The following PMFBP1 variants were observed in gnomAD, a reference collection of about 807,000 sequenced individuals.
PMFBP1 encodes polyamine-modulated factor 1-binding protein 1.
PMFBP1 carries 131 observed loss-of-function variants against 137.8 expected under a neutral mutation model. The ratio of observed to expected loss-of-function variants is 0.95; its 90% CI spans 0.82 to 1.10. PMFBP1 has a LOEUF of 1.10. Ranked by LOEUF, PMFBP1 falls within the 50% of genes least tolerant of loss-of-function variation. The pLI is 0.00. For synonymous variants in PMFBP1, 490 were observed against 450.4 expected (o/e 1.09, Z -1.11); for missense variants, 1,199 against 1,175.4 (o/e 1.02, Z -0.29).
the PMFBP1 span, among the ~76,000 whole-genome samples, chr16:72,232,131 TG>T: frequency 6.6e-6 from 1 of 152,192 alleles, no homozygotes; most frequent in Non-Finnish European, 1.5e-5. Flanking sequence ...GTGACTATAA[TG>T]TTCACTGTAT....
At chr16:72,213,102 G>C in the PMFBP1 span, among the ~76,000 whole-genome samples, 2 of 151,898 alleles carry the variant, frequency 1.3e-5, no homozygotes, top group African/African-American at 2.4e-5. Flanking sequence ...AACCAAGAAA[G>C]GAGACCATGG....
the PMFBP1 span, among the ~76,000 whole-genome samples, chr16:72,235,942 G>A: frequency 3.9e-5 from 6 of 152,090 alleles, no homozygotes; most frequent in African/African-American, 1.4e-4. Flanking sequence ...TAAAAACAAA[G>A]TGAGTATCCC....
chr16:72,220,418 T>C, the PMFBP1 span, among the ~76,000 whole-genome samples: 1 of 152,154 alleles, frequency 6.6e-6, no homozygotes, highest in Non-Finnish European at 1.5e-5. Flanking sequence ...ATATTCAGTA[T>C]ATCGCAAATG....
At chr16:72,143,321 G>T (rs1163587758) in intron 5 of PMFBP1, among the ~76,000 whole-genome samples, 1 of 152,308 alleles carries the variant, frequency 6.6e-6, no homozygotes, top group Middle Eastern at 3.4e-3. Flanking sequence ...ACGATAAGAT[G>T]GAAAATAAGT....
chr16:72,137,766 TG>T (rs1338489029), intron 7 of PMFBP1, among the ~76,000 whole-genome samples: 4 of 152,064 alleles, frequency 2.6e-5, no homozygotes, highest in Non-Finnish European at 5.9e-5. Context: ...AACATGTGGC[TG>T]GGGAGGAGCA....
chr16:72,183,839 T>C, the PMFBP1 span, among the ~76,000 whole-genome samples: 1 of 152,164 alleles, frequency 6.6e-6, no homozygotes, highest in Non-Finnish European at 1.5e-5. Flanking sequence ...TTGTTCGCAT[T>C]TGCTGCCTCT....
the PMFBP1 span, among the ~76,000 whole-genome samples, chr16:72,193,124 C>T: frequency 3.9e-5 from 6 of 152,032 alleles, no homozygotes; most frequent in Non-Finnish European, 8.8e-5. Context: ...TGGTAGGTCG[C>T]GCCTGTAATC....
At chr16:72,152,465 CG>C (rs2042915545) in intron 4 of PMFBP1, among the ~76,000 whole-genome samples, 1 of 152,088 alleles carries the variant, frequency 6.6e-6, no homozygotes, top group South Asian at 2.1e-4. Flanking sequence ...TTGTGGCTTC[CG>C]GAAAGTGTCC....
Position 72,139,329 on chromosome 16 carries a change from T to TA in PMFBP1, c.877dup (p.Tyr293LeufsTer4), listed in dbSNP as rs1567628460. 1 of 1,613,876 alleles carries TA rather than the reference T, an allele frequency of 6.2e-7. No homozygotes were observed. Among genetic ancestry groups the TA allele is most frequent in the Non-Finnish European group, 8.5e-7 (1 of 1,179,974 alleles). ...ACACTCTTCTGAGGAGCTAGGAGGG[T>TA]ATCTGTGGGTGGCTGTACAGGAAGC... is the stretch of plus-strand genomic sequence containing the variant. On this transcript the variant is annotated frameshift_variant, in exon 7 of 21. Transcript: ENST00000237353. LOFTEE classifies it high-confidence loss of function.
intron 3 of PMFBP1, among the ~76,000 whole-genome samples, chr16:72,157,317 A>T (rs1401805444): frequency 1.3e-5 from 2 of 151,980 alleles, no homozygotes; most frequent in African/African-American, 4.8e-5. Flanking sequence ...AACAGGGGAG[A>T]GTGAAACGGG....
intron 5 of PMFBP1, among the ~76,000 whole-genome samples, chr16:72,145,972 C>T (rs1298109025): frequency 6.6e-6 from 1 of 152,174 alleles, no homozygotes; most frequent in African/African-American, 2.4e-5. Context: ...TAGTACCATT[C>T]CTTCTGAAAC....
chr16:72,173,429 C>T (rs780524922), upstream of PMFBP1, among the ~76,000 whole-genome samples: 8 of 152,132 alleles, frequency 5.3e-5, no homozygotes, highest in East Asian at 1.9e-4. Context: ...TGGTTTCATC[C>T]GCTATGGAGT....
chr16:72,224,442 C>G, the PMFBP1 span: 1 of 152,298 alleles, frequency 6.6e-6, no homozygotes, highest in African/African-American at 2.4e-5. Flanking sequence ...AACGTTGTCA[C>G]CTGGAATCTG....
At chr16:72,156,610 A>G (rs927120221) in intron 3 of PMFBP1, among the ~76,000 whole-genome samples, 14 of 150,246 alleles carry the variant, frequency 9.3e-5, no homozygotes, top group Admixed American at 9.2e-4. Context: ...ACAGAGTGAG[A>G]CTCTGTCTCA....
At chr16:72,120,283 T>A in intron 19 of PMFBP1, 194 bp from the exon 20 acceptor site, 2 of 893,738 alleles carry the variant, frequency 2.2e-6, no homozygotes, top group Middle Eastern at 3.6e-4. Flanking sequence ...AGGCCTGGGG[T>A]CTGAGTGGAC....
chr16:72,202,681 T>A, the PMFBP1 span, among the ~76,000 whole-genome samples: 2 of 152,198 alleles, frequency 1.3e-5, no homozygotes. Flanking sequence ...CTAGCTCTGG[T>A]GCCAATCTCT....
chr16:72,152,269 G>T (rs2042912928), intron 4 of PMFBP1, among the ~76,000 whole-genome samples: 1 of 152,076 alleles, frequency 6.6e-6, no homozygotes, highest in African/African-American at 2.4e-5. Context: ...TTCTCGGTTT[G>T]GGATCTTTGA....
At chr16:72,226,110 T>C in the PMFBP1 span, among the ~76,000 whole-genome samples, 1 of 152,190 alleles carries the variant, frequency 6.6e-6, no homozygotes, top group Non-Finnish European at 1.5e-5. Context: ...CCCTATGCTA[T>C]GGAATCCATC....
Position 72,154,431 on chromosome 16 carries a change from A to C in PMFBP1, c.194T>G (p.Phe65Cys). 1 of 1,614,146 alleles carries C rather than the reference A, an allele frequency of 6.2e-7. No individual in the cohort carries two copies. The highest frequency in any genetic ancestry group is 1.3e-5 in the African/African-American group (1 of 75,042). ...HDKKQAQALAFEESEVEFGSS... is the reference protein window; with the variant it reads ...HDKKQAQALACEESEVEFGSS... ...CCCAAATTCCACCTCTGACTCCTCGAATGCTAATGCCTGTGCTTGCTTCTT... is the reference window on the plus strand; with the variant it reads ...CCCAAATTCCACCTCTGACTCCTCGCATGCTAATGCCTGTGCTTGCTTCTT... Residue 65 changes from phenylalanine to cysteine, a missense_variant, in exon 4 of 21, where the codon TTC becomes TGC. Phe to Cys is a radical substitution (Grantham distance 205). Transcript: ENST00000237353.
Sources: gnomAD v4.1 joint callset for allele counts (sites outside exome capture counted in the v4.1 genomes callset) on GRCh38, gnomAD v4.1.1 for gene constraint, MANE v1.5 for transcripts, NCBI Gene and HGNC (gene_info 2026-07-23, HGNC 2026-07-21) for gene names.